Variants in ASPH observed in about 807,000 individuals in gnomAD.
The protein encoded by ASPH is aspartate beta-hydroxylase, also known as aspartyl/asparaginyl beta-hydroxylase.
Under a neutral mutation model 118.4 loss-of-function variants are expected in ASPH, and 100 were observed. The ratio of observed to expected loss-of-function variants is 0.84; its 90% CI spans 0.72 to 1.00. The LOEUF is 1.00. Ranked by LOEUF, ASPH falls within the 50% of genes least tolerant of loss-of-function variation. The pLI is 0.00. For missense variants in ASPH, 920 were observed against 919.5 expected (o/e 1.00, Z -0.01); for synonymous variants, 315 against 325.6 (o/e 0.97, Z 0.35).
chr8:61,667,079 T>G (rs187256942), intron 3 of ASPH, among the ~76,000 whole-genome samples: 24 of 152,266 alleles, frequency 1.6e-4, no homozygotes, highest in African/African-American at 5.3e-4. Context: ...TTCCTGATCT[T>G]AAAATATAAA....
intron 1 of ASPH, among the ~76,000 whole-genome samples, chr8:61,708,535 T>C (rs1837262931): frequency 6.6e-6 from 1 of 152,116 alleles, no homozygotes; most frequent in African/African-American, 2.4e-5. Flanking sequence ...AAAAACTGTA[T>C]ATTAGAAGAA....
intron 18 of ASPH, among the ~76,000 whole-genome samples, chr8:61,556,639 C>T (rs934870535): frequency 9.9e-5 from 15 of 152,186 alleles, no homozygotes; most frequent in Non-Finnish European, 1.8e-4. Flanking sequence ...TTATTATATG[C>T]ATTCATTATG....
intron 12 of ASPH, among the ~76,000 whole-genome samples, 190 bp downstream of exon 12, chr8:61,637,756 GT>G (rs1031347977): frequency 1.3e-5 from 2 of 152,206 alleles, no homozygotes; most frequent in African/African-American, 2.4e-5. Context: ...CCTTAATTCC[GT>G]TATTTATTAT....
intron 1 of ASPH, among the ~76,000 whole-genome samples, chr8:61,685,408 C>G (rs552673866): frequency 6.6e-6 from 1 of 152,252 alleles, no homozygotes; most frequent in South Asian, 2.1e-4. Flanking sequence ...CCCAAAGTCA[C>G]CAGTACAAGT....
intron 13 of ASPH, among the ~76,000 whole-genome samples, chr8:61,620,048 C>T (rs1488058554): frequency 6.6e-6 from 1 of 152,170 alleles, no homozygotes; most frequent in African/African-American, 2.4e-5. Context: ...TCATATAAAA[C>T]ATTTCAATTT....
At chr8:61,562,947 T>TGTAA (rs1830503708) in intron 17 of ASPH, 67 bp from the exon 18 acceptor site, 32 of 1,453,564 alleles carry the variant, frequency 2.2e-5, no homozygotes, top group Non-Finnish European at 2.8e-5. Context: ...GTATTGAGAA[T>TGTAA]GTAAGTCATG....
At chr8:61,704,468 G>T (rs7836864) in intron 1 of ASPH, among the ~76,000 whole-genome samples, 122,901 of 151,674 alleles carry the variant, frequency 0.81, 49,895 homozygotes, top group Non-Finnish European at 0.84. Flanking sequence ...GCTTTGAGAC[G>T]TGAGAATGTG....
chr8:61,579,505 G>T, intron 15 of ASPH: 2 of 1,576,344 alleles, frequency 1.3e-6, no homozygotes, highest in Admixed American at 1.7e-5. Context: ...GCCTATGGGG[G>T]CCTCACAAGC....
chr8:61,564,805 C>T lies in ASPH; in HGVS notation c.1301-1925G>A, dbSNP rs142247425. 4.0e-4 allele frequency among the ~76,000 whole-genome samples: 61 copies of T among 152,324 alleles called. 1 individual carries two copies. The East Asian group carries it at 0.011, about 28-fold the overall frequency. ...TTATTTATCTACAAAAGTGATACAA[C>T]TCCTCTTCATTCTAATCCTCGGAAA... On this transcript the variant is annotated intron_variant, in intron 17 of 24. Coordinates refer to ENST00000379454, the MANE Select transcript of ASPH (RefSeq NM_004318.4).
intron 5 of ASPH, among the ~76,000 whole-genome samples, chr8:61,648,599 A>G (rs1449573999): frequency 2.0e-5 from 3 of 152,150 alleles, no homozygotes; most frequent in Non-Finnish European, 4.4e-5. Flanking sequence ...TAGCTTTCGT[A>G]TGCGGTTGTT....
At chr8:61,599,742 GATCAATAACAA>G (rs1410238994) in intron 14 of ASPH, among the ~76,000 whole-genome samples, 2 of 151,462 alleles carry the variant, frequency 1.3e-5, no homozygotes, top group African/African-American at 4.9e-5. Context: ...ACCCTGAACA[GATCAATAACAA>G]GTAATGAGAC....
At chr8:61,512,053 A>T (rs1459680668) in intron 24 of ASPH, among the ~76,000 whole-genome samples, 2 of 152,174 alleles carry the variant, frequency 1.3e-5, no homozygotes, top group Non-Finnish European at 2.9e-5. Flanking sequence ...GTACAGCATG[A>T]TCCTAATTTT....
chr8:61,549,306 A>G (rs1207386130), intron 20 of ASPH, among the ~76,000 whole-genome samples: 1 of 147,366 alleles, frequency 6.8e-6, no homozygotes, highest in East Asian at 1.9e-4. Context: ...CTTTCTTTGA[A>G]TGTGTTATCT....
intron 14 of ASPH, among the ~76,000 whole-genome samples, chr8:61,610,885 C>A (rs1001204234): frequency 6.6e-6 from 1 of 152,188 alleles, no homozygotes; most frequent in Non-Finnish European, 1.5e-5. Context: ...GCTAACCATG[C>A]AGTAATTAAG....
At chr8:61,602,500 G>T (rs1005382693) in intron 14 of ASPH, among the ~76,000 whole-genome samples, 1 of 151,288 alleles carries the variant, frequency 6.6e-6, no homozygotes, top group African/African-American at 2.5e-5. Context: ...ATACTAAACG[G>T]TAACAGACTG....
At chr8:61,552,999 T>C in intron 20 of ASPH, 32 bp downstream of exon 20, 1 of 1,512,854 alleles carries the variant, frequency 6.6e-7, no homozygotes, top group Non-Finnish European at 9.2e-7. Flanking sequence ...CATCCTCTGT[T>C]AGAGAGAATC....
chr8:61,637,363 C>G (rs1250029384), intron 12 of ASPH, among the ~76,000 whole-genome samples: 1 of 152,162 alleles, frequency 6.6e-6, no homozygotes, highest in Non-Finnish European at 1.5e-5. Context: ...GATCTCCACG[C>G]TCCCTGTTTC....
At chr8:61,701,751 G>A (rs1835294743) in intron 1 of ASPH, among the ~76,000 whole-genome samples, 1 of 152,112 alleles carries the variant, frequency 6.6e-6, no homozygotes, top group African/African-American at 2.4e-5. Context: ...TGTACCTATT[G>A]CTAGTTATTA....
chr8:61,624,725 C>A (rs1852112868), intron 13 of ASPH: 1 of 985,720 alleles, frequency 1.0e-6, no homozygotes, highest in South Asian at 4.7e-5. Context: ...CAGAGTTCTA[C>A]AAAAATCCAG....
Sources: allele counts gnomAD v4.1 joint callset (sites outside exome capture counted in the v4.1 genomes callset), GRCh38; gene constraint gnomAD v4.1.1; transcripts MANE v1.5; gene names NCBI Gene and HGNC (gene_info 2026-07-23, HGNC 2026-07-21).